Variants in DUSP28 observed in about 807,000 individuals in gnomAD.
The protein encoded by DUSP28 is dual specificity phosphatase 28.
In DUSP28, 11 loss-of-function variants were observed where a neutral mutation model predicts 8.4. The ratio of observed to expected loss-of-function variants is 1.31; its 90% CI spans 0.83 to 2.17. DUSP28 has a LOEUF of 2.17. Ranked by LOEUF, DUSP28 falls within the 30% of genes most tolerant of loss-of-function variation. The probability of loss-of-function intolerance (pLI) is 0.00; values close to 1 mark genes in which losing one functional copy is unlikely to be tolerated. For missense variants in DUSP28, 373 were observed against 270.4 expected (o/e 1.38, Z -2.66); for synonymous variants, 178 against 130.9 (o/e 1.36, Z -2.46).
rs903426242 is a variant in DUSP28, at chr2:240,560,411, G to A, written c.-274G>A. 8 of 343,584 alleles carry A rather than the reference G, an allele frequency of 2.3e-5. No homozygotes were observed. The highest frequency in any genetic ancestry group is 1.2e-4 in the South Asian group (1 of 8,150). 21.3% of individuals were successfully genotyped at this position (343,584 alleles called of 1,614,324 possible). A position where few individuals can be genotyped will look rare whatever the true frequency, so the allele number is the denominator to read the frequency against. ...GGGGGCGGGGAGGACGGCGCCCGGG[G>A]ACAGAGAACATGGGACGCAGAGCGG... is the stretch of plus-strand genomic sequence containing the variant. On this transcript the variant is annotated 5_prime_UTR_variant, in exon 1 of 2. Coordinates refer to ENST00000405954, the MANE Select transcript of DUSP28 (RefSeq NM_001370465.2).
In DUSP28 at chr2:240,561,461, G is replaced by A; in HGVS notation, c.525G>A (p.Glu175=). Residue 175 remains glutamate, a synonymous_variant, in exon 2 of 2, where the codon GAG becomes GAA. Transcript: ENST00000405954. ...GEPPALGLGP[E]A ...CCCCAGCCTTAGGGTTGGGCCCTGAGGCTTGAAGCTTGAAGGCCTGCTGCC... is the reference window on the plus strand; with the variant it reads ...CCCCAGCCTTAGGGTTGGGCCCTGAAGCTTGAAGCTTGAAGGCCTGCTGCC... 1 of 1,612,822 alleles carries A rather than the reference G, an allele frequency of 6.2e-7. No homozygotes were observed. Among genetic ancestry groups the A allele is most frequent in the Non-Finnish European group, 8.5e-7 (1 of 1,179,632 alleles).
chr2:240,561,250 A>G, intron 1 of DUSP28, 80 bp from the exon 2 acceptor site: 2 of 1,600,354 alleles, frequency 1.2e-6, no homozygotes, highest in South Asian at 1.1e-5. Flanking sequence ...GGCGGGGCCC[A>G]CTCTTACAGC....
rs1039013938 is a variant in DUSP28, at chr2:240,561,012, T to C, written c.328T>C (p.Ser110Pro). The C allele has an allele frequency of 7.2e-6, 11 of 1,533,862 alleles. No individual in the cohort carries two copies. The highest frequency in any genetic ancestry group is 4.2e-5 in the African/African-American group (3 of 71,352). ...CTACTGCAAGAACGGCCGCAGCCGC[T>C]CGGCCGCCGTCTGCACCGCGTACCT... ...LVYCKNGRSR[S>P]AAVCTAYLMR... The change falls in exon 1 of 2, where the codon TCG (serine) becomes CCG (proline). Residue 110 changes from serine (S) to proline (P), a missense_variant. Physicochemically the swap from Ser to Pro is moderately conservative, Grantham distance 74 (BLOSUM62 -1). Coordinates refer to ENST00000405954, the MANE Select transcript of DUSP28 (RefSeq NM_001370465.2).
At chr2:240,561,099 C>T (rs902421764) in intron 1 of DUSP28, 22 bp downstream of exon 1, 2 of 1,463,266 alleles carry the variant, frequency 1.4e-6, no homozygotes, top group Admixed American at 2.7e-5. Context: ...TTTAGGGGGG[C>T]GGTGTTTCGA....
Position 240,564,339 on chromosome 2 carries a change from C to T in DUSP28, c.*2872C>T, listed in dbSNP as rs1424100627. Among the ~76,000 whole-genome samples the T allele has an allele frequency of 2.0e-5, 3 of 152,220 alleles. No homozygotes were observed. The highest frequency in any genetic ancestry group is 2.1e-4 in the South Asian group (1 of 4,834). On this transcript the variant is annotated 3_prime_UTR_variant, in exon 2 of 2. Transcript: ENST00000405954. ...TGAGGTCCATGGTCCCACGGCACCA[C>T]GGCCGCCCAGTGCACTCGCCTCCAC...
At position 240,560,636 on chromosome 2, in the gene DUSP28, C is replaced by A; in HGVS notation, c.-49C>A. 6.9e-7 allele frequency: 1 copy of A among 1,446,504 alleles called. No homozygotes were observed. The highest frequency in any genetic ancestry group is 1.4e-5 in the South Asian group (1 of 70,372). The allele number at this position is 1,446,504 out of a possible 1,614,324, so 89.6% of individuals were successfully genotyped here. ...TAGACTCCTGGGCGGGCGCCTGAGC[C>A]CCCAAAATAGATCCTCAGGGCCCAA... On this transcript the variant is annotated 5_prime_UTR_variant, in exon 1 of 2. Coordinates refer to ENST00000405954, the MANE Select transcript of DUSP28 (RefSeq NM_001370465.2).
At position 240,563,066 on chromosome 2, in the gene DUSP28, C is replaced by T. The variant is rs2125444706; in HGVS notation, c.*1599C>T. The T allele has an allele frequency of 6.6e-6, 1 of 152,378 alleles. No homozygotes were observed. The highest frequency in any genetic ancestry group is 6.5e-5 in the Admixed American group (1 of 15,306). 9.4% of individuals were successfully genotyped at this position (152,378 alleles called of 1,614,324 possible). ...CCCACGCAGCTCACTACAGACATGA[C>T]CAGAGCAGCAGGAACCAAAGGGAGA... On this transcript the variant is annotated 3_prime_UTR_variant, in exon 2 of 2. Coordinates refer to ENST00000405954, the MANE Select transcript of DUSP28 (RefSeq NM_001370465.2).
chr2:240,560,717 C>T lies in DUSP28; in HGVS notation c.33C>T (p.Ala11=), dbSNP rs577759509. 8.9e-4 allele frequency: 1,357 copies of T among 1,525,728 alleles called. 13 individuals are homozygous for T. In the African/African-American group the frequency reaches 0.015, roughly 17 times the overall value. 94.5% of individuals were successfully genotyped at this position (1,525,728 alleles called of 1,614,324 possible). A position where few individuals can be genotyped will look rare whatever the true frequency, so the allele number is the denominator to read the frequency against. The part of the protein sequence containing the change: MGPAEAGRRG[A]ASPVPPPLVR... ...CGGCAGAAGCTGGGCGCCGCGGGGC[C>T]GCCTCGCCCGTACCTCCACCGTTGG... Residue 11 remains alanine, a synonymous_variant, in exon 1 of 2, where the codon GCC becomes GCT. Transcript: ENST00000405954.
rs962822849 is a variant in DUSP28, at chr2:240,564,832, GAGA to G, written c.*3368_*3370del. On this transcript the variant is annotated 3_prime_UTR_variant, in exon 2 of 2. Transcript: ENST00000405954. Reference sequence around the variant, plus strand: ...GAAGCCCCTCCTGTGACAGGCAGGGGAGAAGGAGGCTGTGCTGACAGACGGCCT... The same window carrying G: ...GAAGCCCCTCCTGTGACAGGCAGGGGAGGAGGCTGTGCTGACAGACGGCCT... Among the ~76,000 whole-genome samples, 33 of 152,352 alleles carry G rather than the reference GAGA, an allele frequency of 2.2e-4. No homozygotes were observed. The highest frequency in any genetic ancestry group is 7.9e-4 in the African/African-American group (33 of 41,578).
At position 240,561,676 on chromosome 2, in the gene DUSP28, CAAATT is replaced by C. The variant is rs773667100; in HGVS notation, c.*212_*216del. 11 of 745,836 alleles carry C rather than the reference CAAATT, an allele frequency of 1.5e-5. No homozygotes were observed. Among genetic ancestry groups the C allele is most frequent in the Non-Finnish European group, 2.2e-5 (11 of 495,330 alleles). 46.2% of individuals were successfully genotyped at this position (745,836 alleles called of 1,614,324 possible). The stretch of plus-strand genomic sequence containing the variant: ...AATACATTTGGTAAAACATCGAAGA[CAAATT>C]AAGAAAAAGCAAATAGGGATCCTCC... On this transcript the variant is annotated 3_prime_UTR_variant, in exon 2 of 2. Coordinates refer to ENST00000405954, the MANE Select transcript of DUSP28 (RefSeq NM_001370465.2).
Position 240,560,493 on chromosome 2 carries a change from C to G in DUSP28, c.-192C>G. Reference sequence around the variant, plus strand: ...ACCTCCCGCCATGCCCCGGCCCCAACGAGACCCAAGCCCCCTGTCCCGGCC... The same window carrying G: ...ACCTCCCGCCATGCCCCGGCCCCAAGGAGACCCAAGCCCCCTGTCCCGGCC... On this transcript the variant is annotated 5_prime_UTR_variant, in exon 1 of 2. Coordinates refer to ENST00000405954, the MANE Select transcript of DUSP28 (RefSeq NM_001370465.2). 1 of 859,330 alleles carries G rather than the reference C, an allele frequency of 1.2e-6. No homozygotes were observed. Among genetic ancestry groups the G allele is most frequent in the East Asian group, 3.4e-5 (1 of 29,310 alleles). 53.2% of individuals were successfully genotyped at this position (859,330 alleles called of 1,614,324 possible).
intron 1 of DUSP28, 114 bp from the exon 2 acceptor site, chr2:240,561,215 GA>G: frequency 6.4e-7 from 1 of 1,570,016 alleles, no homozygotes; most frequent in Non-Finnish European, 8.6e-7. Flanking sequence ...CGGGCTTAGG[GA>G]AGCAGAGAGG....
rs761928968 is a variant in DUSP28 at position 240,560,746 on chromosome 2, G to A, written c.62G>A (p.Arg21His). ...TCGCCCGTACCTCCACCGTTGGTGC[G>A]CGTCGCGCCCTCACTCTTCCTCGGG... Reference protein sequence around the residue: ...AASPVPPPLVRVAPSLFLGSA... With the variant: ...AASPVPPPLVHVAPSLFLGSA... The change falls in exon 1 of 2, where the codon CGC becomes CAC. Residue 21 changes from arginine to histidine, a missense_variant. Transcript: ENST00000405954. The A allele has an allele frequency of 4.6e-6, 7 of 1,510,712 alleles. No individual in the cohort carries two copies. In the East Asian group the frequency reaches 1.9e-4, roughly 42 times the overall value. The allele number at this position is 1,510,712 out of a possible 1,614,324, so 93.6% of individuals were successfully genotyped here. A position where few individuals can be genotyped will look rare whatever the true frequency, so the allele number is the denominator to read the frequency against.
rs1026234189 is a variant in DUSP28, at chr2:240,562,642, A to G, written c.*1175A>G. On this transcript the variant is annotated 3_prime_UTR_variant, in exon 2 of 2. Transcript: ENST00000405954. ...GTTTTCTGTGGGATGGCCATTCTCA[A>G]TGTTCTCCAATAAACTGGGGTAATT... 3 of 152,226 alleles carry G rather than the reference A, an allele frequency of 2.0e-5. No individual in the cohort carries two copies. Among genetic ancestry groups the G allele is most frequent in the African/African-American group, 7.2e-5 (3 of 41,454 alleles). 9.4% of individuals were successfully genotyped at this position (152,226 alleles called of 1,614,324 possible).
rs2092993634 is a variant in DUSP28 at position 240,563,661 on chromosome 2, G to C, written c.*2194G>C. Reference sequence around the variant, plus strand: ...AGATAGGCCTAACAGCTGGTTTTCTGTTTGCATTTCAGCTGTTTCTGGCAA... The same window carrying C: ...AGATAGGCCTAACAGCTGGTTTTCTCTTTGCATTTCAGCTGTTTCTGGCAA... On this transcript the variant is annotated 3_prime_UTR_variant, in exon 2 of 2. Coordinates refer to ENST00000405954, the MANE Select transcript of DUSP28 (RefSeq NM_001370465.2). The C allele has an allele frequency of 6.5e-6, 1 of 152,724 alleles. No homozygotes were observed. The highest frequency in any genetic ancestry group is 2.1e-4 in the South Asian group (1 of 4,836). 9.5% of individuals were successfully genotyped at this position (152,724 alleles called of 1,614,324 possible).
chr2:240,560,674 C>A lies in DUSP28; in HGVS notation c.-11C>A, dbSNP rs779621009. 1.3e-6 allele frequency: 2 copies of A among 1,508,818 alleles called. No homozygotes were observed. The allele number at this position is 1,508,818 out of a possible 1,614,324, so 93.5% of individuals were successfully genotyped here. A position where few individuals can be genotyped will look rare whatever the true frequency, so the allele number is the denominator to read the frequency against. The stretch of plus-strand genomic sequence containing the variant: ...CCTCAGGGCCCAAAAGCAGACTCTT[C>A]GGCGGGCGCCATGGGACCGGCAGAA... On this transcript the variant is annotated 5_prime_UTR_variant, in exon 1 of 2. Transcript: ENST00000405954.
intron 1 of DUSP28, 105 bp downstream of exon 1, chr2:240,561,182 G>C: frequency 6.7e-7 from 1 of 1,488,310 alleles, no homozygotes; most frequent in South Asian, 1.3e-5. Context: ...ACTTCCGGGA[G>C]GGGCGGGTCT....
In DUSP28 at chr2:240,563,468, C is replaced by T. The variant is rs909091304; in HGVS notation, c.*2001C>T. The T allele has an allele frequency of 6.6e-6, 1 of 152,388 alleles. No homozygotes were observed. Among genetic ancestry groups the T allele is most frequent in the African/African-American group, 2.4e-5 (1 of 41,436 alleles). The allele number at this position is 152,388 out of a possible 1,614,324, so 9.4% of individuals were successfully genotyped here. On this transcript the variant is annotated 3_prime_UTR_variant, in exon 2 of 2. Coordinates refer to ENST00000405954, the MANE Select transcript of DUSP28 (RefSeq NM_001370465.2). ...CCTCCCGCCTCGGCCTCCCAAAGCG[C>T]TGGGATTACAGGCGTGAGCCACCTC...
In DUSP28 at chr2:240,563,259, G is replaced by C. The variant is rs2092992006; in HGVS notation, c.*1792G>C. 6.6e-6 allele frequency: 1 copy of C among 152,004 alleles called. No individual in the cohort carries two copies. The highest frequency in any genetic ancestry group is 2.1e-4 in the South Asian group (1 of 4,828). 9.4% of individuals were successfully genotyped at this position (152,004 alleles called of 1,614,324 possible). ...CTCACTCTGGTGCCCAGGCTGGAGTGGGCGCCATCTTGGCTCACTGCAAGC... is the reference window on the plus strand; with the variant it reads ...CTCACTCTGGTGCCCAGGCTGGAGTCGGCGCCATCTTGGCTCACTGCAAGC... On this transcript the variant is annotated 3_prime_UTR_variant, in exon 2 of 2. Transcript: ENST00000405954.
Sources: allele counts gnomAD v4.1 joint callset (sites outside exome capture counted in the v4.1 genomes callset), GRCh38; gene constraint gnomAD v4.1.1; transcripts MANE v1.5; gene names NCBI Gene and HGNC (gene_info 2026-07-23, HGNC 2026-07-21).